INTS6: variants seen among roughly 807,000 people sequenced by gnomAD.
INTS6 encodes the protein DEAD box protein.
A neutral mutation model predicts 104.9 loss-of-function variants in INTS6; 16 were observed. The observed-to-expected ratio is 0.15, with a 90% CI of 0.10 to 0.23. The LOEUF (loss-of-function observed/expected upper bound fraction) is 0.23, where lower values mean the gene tolerates loss of function less well. INTS6 is among the 10% of genes least tolerant of loss of function. INTS6 has a pLI of 1.00. For missense variants in INTS6, 584 were observed against 1,062.8 expected (o/e 0.55, Z 6.26); for synonymous variants, 324 against 358.7 (o/e 0.90, Z 1.09).
At chr13:51,398,379 A>G (rs1956377308) in intron 4 of INTS6, among the ~76,000 whole-genome samples, 1 of 152,170 alleles carries the variant, frequency 6.6e-6, no homozygotes, top group Non-Finnish European at 1.5e-5. Flanking sequence ...AAAAATAGAC[A>G]ATTCCCAAAA....
At chr13:51,431,650 G>A (rs181237279) in intron 3 of INTS6, among the ~76,000 whole-genome samples, 8 of 152,194 alleles carry the variant, frequency 5.3e-5, no homozygotes, top group Admixed American at 5.2e-4. Flanking sequence ...AAGTGGGAAG[G>A]GGGACATGTA....
Position 51,385,950 on chromosome 13 carries a change from T to C in INTS6, c.894+1436A>G, listed in dbSNP as rs558523662. ...TCTAAAGATGTCTGTTAAAAACATC[T>C]TCGACTGCTCTTTGAACTCCACTGT... is the stretch of plus-strand genomic sequence containing the variant. On this transcript the variant is annotated intron_variant, in intron 7 of 17. Coordinates refer to ENST00000311234, the MANE Select transcript of INTS6 (RefSeq NM_012141.3). Among the ~76,000 whole-genome samples, 3 of 152,166 alleles carry C rather than the reference T, an allele frequency of 2.0e-5. No homozygotes were observed. The East Asian group carries it at 5.8e-4, about 29-fold the overall frequency.
chr13:51,395,193 T>C (rs1593701997), intron 5 of INTS6, 107 bp downstream of exon 5: 3 of 1,102,782 alleles, frequency 2.7e-6, no homozygotes, highest in Admixed American at 2.5e-5. Context: ...ATTCCTAATA[T>C]TAACTTGTGA....
chr13:51,389,497 A>C, intron 5 of INTS6, 53 bp from the exon 6 acceptor site: 2 of 1,435,334 alleles, frequency 1.4e-6, no homozygotes, highest in South Asian at 2.9e-5. Flanking sequence ...TAAACTAGTT[A>C]GTTGCAAGAA....
intron 12 of INTS6, among the ~76,000 whole-genome samples, chr13:51,377,607 T>C (rs897950071): frequency 7.9e-5 from 12 of 152,262 alleles, no homozygotes; most frequent in African/African-American, 2.6e-4. Context: ...TTAATATCTT[T>C]GTTAAGAATT....
intron 4 of INTS6, among the ~76,000 whole-genome samples, chr13:51,407,954 T>C (rs1956604684): frequency 6.7e-6 from 1 of 148,338 alleles, no homozygotes; most frequent in Admixed American, 6.8e-5. Context: ...GAGGCAGAGG[T>C]TGCAGTGAGC....
At chr13:51,446,111 A>C (rs1952910737) in intron 3 of INTS6, 1 of 152,202 alleles carries the variant, frequency 6.6e-6, no homozygotes, top group African/African-American at 2.4e-5. Flanking sequence ...GCACTGAAGA[A>C]ACAACAGAGT....
intron 3 of INTS6, among the ~76,000 whole-genome samples, chr13:51,435,856 T>G (rs1188552830): frequency 6.6e-6 from 1 of 152,016 alleles, no homozygotes; most frequent in Non-Finnish European, 1.5e-5. Flanking sequence ...GTTCATTAAA[T>G]TATAGGGATA....
chr13:51,376,255 G>T lies in INTS6; in HGVS notation c.1603-81C>A, dbSNP rs141730080. 5 of 1,137,676 alleles carry T rather than the reference G, an allele frequency of 4.4e-6. No homozygotes were observed. In the African/African-American group the frequency reaches 6.3e-5, roughly 14 times the overall value. 70.5% of individuals were successfully genotyped at this position (1,137,676 alleles called of 1,614,324 possible). ...CTAAAATCTCTAGCCTGCAGCATAG[G>T]TTTGGAAATAAGATATATAAACTGG... is the stretch of plus-strand genomic sequence containing the variant. On this transcript the variant is annotated intron_variant, in intron 12 of 17. Coordinates refer to ENST00000311234, the MANE Select transcript of INTS6 (RefSeq NM_012141.3).
At position 51,444,966 on chromosome 13, in the gene INTS6, C is replaced by G. The variant is rs145284166; in HGVS notation, c.339+6059G>C. 217 of 152,048 alleles carry G rather than the reference C, an allele frequency of 1.4e-3. 1 individual carries two copies. The highest frequency in any genetic ancestry group is 5.1e-3 in the African/African-American group (212 of 41,478). The allele number at this position is 152,048 out of a possible 1,614,324, so 9.4% of individuals were successfully genotyped here. A position where few individuals can be genotyped will look rare whatever the true frequency, so the allele number is the denominator to read the frequency against. On this transcript the variant is annotated intron_variant, in intron 3 of 17. Coordinates refer to ENST00000311234, the MANE Select transcript of INTS6 (RefSeq NM_012141.3). ...AAATTATACCACCATTAAATTAATGCTCTATAGGAAATAAATCATATCCAT... is the reference window on the plus strand; with the variant it reads ...AAATTATACCACCATTAAATTAATGGTCTATAGGAAATAAATCATATCCAT...
At position 51,364,356 on chromosome 13, in the gene INTS6, T is replaced by TA. The variant is rs1055399479; in HGVS notation, c.*1395dup. The TA allele has an allele frequency of 8.7e-6, 7 of 800,552 alleles. No homozygotes were observed. The highest frequency in any genetic ancestry group is 1.3e-5 in the Non-Finnish European group (7 of 528,368). The allele number at this position is 800,552 out of a possible 1,614,324, so 49.6% of individuals were successfully genotyped here. A position where few individuals can be genotyped will look rare whatever the true frequency, so the allele number is the denominator to read the frequency against. Reference sequence around the variant, plus strand: ...TTCATTTTGCTATACCCTTGAAATTTAAAAAAATGTCTGATAAAGTGTAAA... The same window carrying TA: ...TTCATTTTGCTATACCCTTGAAATTTAAAAAAAATGTCTGATAAAGTGTAAA... On this transcript the variant is annotated 3_prime_UTR_variant, in exon 18 of 18. Transcript: ENST00000311234.
chr13:51,423,121 C>T (rs956154814), intron 4 of INTS6: 4 of 1,126,996 alleles, frequency 3.5e-6, no homozygotes, highest in African/African-American at 3.2e-5. Flanking sequence ...TAAATATAAA[C>T]GTATGGAGCT....
At chr13:51,372,780 C>T (rs1176899345) in intron 15 of INTS6, among the ~76,000 whole-genome samples, 3 of 152,214 alleles carry the variant, frequency 2.0e-5, no homozygotes, top group African/African-American at 7.2e-5. Context: ...TTCTCAAATA[C>T]ATATTCTTCT....
intron 3 of INTS6, chr13:51,355,170 TC>T (rs1955460721): frequency 8.6e-7 from 1 of 1,158,756 alleles, no homozygotes; most frequent in Non-Finnish European, 1.3e-6. Flanking sequence ...TTCCAAACGT[TC>T]TAGCCGTGTA....
At chr13:51,440,473 G>A (rs767109604) in intron 3 of INTS6, 2 of 152,144 alleles carry the variant, frequency 1.3e-5, no homozygotes, top group Non-Finnish European at 2.9e-5. Context: ...TAAGTGTACA[G>A]TTTATAAAGT....
intron 15 of INTS6, among the ~76,000 whole-genome samples, chr13:51,369,564 TA>T (rs1343776743): frequency 6.6e-6 from 1 of 152,188 alleles, no homozygotes; most frequent in Non-Finnish European, 1.5e-5. Flanking sequence ...AAGTAGTTTT[TA>T]GTTTTCTGGT....
At chr13:51,419,226 T>C (rs1956851383) in intron 4 of INTS6, among the ~76,000 whole-genome samples, 1 of 152,204 alleles carries the variant, frequency 6.6e-6, no homozygotes, top group Admixed American at 6.5e-5. Flanking sequence ...GCTCTTTGTA[T>C]AGTCCACGCT....
At chr13:51,371,623 C>T (rs1279294289) in intron 15 of INTS6, among the ~76,000 whole-genome samples, 1 of 152,062 alleles carries the variant, frequency 6.6e-6, no homozygotes, top group African/African-American at 2.4e-5. Context: ...GGGCCCAGCT[C>T]TACAGAGTGG....
At chr13:51,422,975 G>T in intron 4 of INTS6, 1 of 973,598 alleles carries the variant, frequency 1.0e-6, no homozygotes, top group Non-Finnish European at 1.4e-6. Flanking sequence ...AGAACCTTCT[G>T]TTTATTTCTG....
Sources: gnomAD v4.1 joint callset for allele counts (sites outside exome capture counted in the v4.1 genomes callset) on GRCh38, gnomAD v4.1.1 for gene constraint, MANE v1.5 for transcripts, NCBI Gene and HGNC (gene_info 2026-07-23, HGNC 2026-07-21) for gene names.